SRPK2: variants seen among roughly 807,000 people sequenced by gnomAD.
SRPK2 encodes SRSF protein kinase 2.
Under a neutral mutation model 90.8 loss-of-function variants are expected in SRPK2, and 21 were observed. The observed-to-expected ratio is 0.23, with a 90% CI of 0.16 to 0.33. The LOEUF (loss-of-function observed/expected upper bound fraction) is 0.33, where lower values mean the gene tolerates loss of function less well. Ranked by LOEUF, SRPK2 falls within the 10% of genes least tolerant of loss-of-function variation. The pLI is 1.00. For missense variants in SRPK2, 620 were observed against 869.0 expected, an observed-to-expected ratio of 0.71 and a Z score of 3.60; for synonymous variants, 288 against 311.1, an observed-to-expected ratio of 0.93 and a Z score of 0.78.
At chr7:105,167,647 ATC>A (rs1790251728) in intron 5 of SRPK2, among the ~76,000 whole-genome samples, 183 bp from the exon 6 acceptor site, 1 of 152,100 alleles carries the variant, frequency 6.6e-6, no homozygotes, top group South Asian at 2.1e-4. Context: ...GTCTTGCTCT[ATC>A]GCCCAGTCTG....
At chr7:105,164,098 A>G (rs183519748) in intron 6 of SRPK2, among the ~76,000 whole-genome samples, 68 of 152,346 alleles carry the variant, frequency 4.5e-4, no homozygotes, top group African/African-American at 8.7e-4. Context: ...CTGAAGACAA[A>G]GCACAATCAA....
chr7:105,313,417 C>T (rs1326245239), intron 2 of SRPK2, among the ~76,000 whole-genome samples: 1 of 141,772 alleles, frequency 7.1e-6, no homozygotes, highest in Admixed American at 7.3e-5. Context: ...ACTGCACTCC[C>T]GCCTGGGCAA....
chr7:105,262,683 T>G (rs1335881156), intron 2 of SRPK2, among the ~76,000 whole-genome samples: 1 of 152,148 alleles, frequency 6.6e-6, no homozygotes, highest in African/African-American at 2.4e-5. Context: ...CACTTACTGG[T>G]CTATGCTTCT....
chr7:105,142,246 A>G lies in SRPK2; in HGVS notation c.1305T>C (p.Asp435=). Residue 435 remains aspartate, a synonymous_variant, in exon 11 of 16, where the codon GAT becomes GAC. Transcript: ENST00000393651. ...GTTCATAGGAGCTGCTATATGTGTA[A>G]TCACTTTCTGCATTTGGCTCATCAA... is the stretch of plus-strand genomic sequence containing the variant. ...YNLDEPNAES[D]YTYSSSYEQF... 3.7e-6 allele frequency: 6 copies of G among 1,614,096 alleles called. No homozygotes were observed. Among genetic ancestry groups the G allele is most frequent in the Non-Finnish European group, 5.1e-6 (6 of 1,180,032 alleles).
intron 1 of SRPK2, among the ~76,000 whole-genome samples, chr7:105,397,710 C>T (rs1341165629): frequency 6.6e-6 from 1 of 152,044 alleles, no homozygotes; most frequent in Non-Finnish European, 1.5e-5. Context: ...GTGGCACCAT[C>T]TGAGCTCACT....
chr7:105,160,371 A>G (rs1207297379), intron 7 of SRPK2, 136 bp downstream of exon 7: 1 of 488,716 alleles, frequency 2.0e-6, no homozygotes, highest in Non-Finnish European at 3.7e-6. Context: ...GCACTGATAC[A>G]TATGTAACAT....
chr7:105,250,407 GA>G (rs11450301), intron 2 of SRPK2, among the ~76,000 whole-genome samples: 3 of 149,096 alleles, frequency 2.0e-5, no homozygotes, highest in African/African-American at 5.0e-5. Flanking sequence ...AACAATGCAA[GA>G]AAAAAAAAAC....
chr7:105,201,635 GA>G (rs10675341), intron 3 of SRPK2, among the ~76,000 whole-genome samples: 5,047 of 146,058 alleles, frequency 0.035, 273 homozygotes, highest in African/African-American at 0.12. Context: ...GCTACCAGAA[GA>G]AAAAAAAAAA....
chr7:105,119,404 C>T (rs1800012981), intron 15 of SRPK2, among the ~76,000 whole-genome samples: 1 of 152,138 alleles, frequency 6.6e-6, no homozygotes, highest in African/African-American at 2.4e-5. Context: ...TACAATCCTA[C>T]CCACAACTGC....
chr7:105,241,830 C>T (rs771435468), intron 2 of SRPK2, among the ~76,000 whole-genome samples: 11 of 152,068 alleles, frequency 7.2e-5, no homozygotes, highest in Non-Finnish European at 1.2e-4. Flanking sequence ...AATGACCAGA[C>T]ATCTTCTCAT....
chr7:105,332,740 G>C (rs1322842632), intron 2 of SRPK2: 1 of 151,750 alleles, frequency 6.6e-6, no homozygotes, highest in Non-Finnish European at 1.5e-5. Flanking sequence ...ACTCCAGCCC[G>C]GGTGACAGAG....
chr7:105,325,551 CAAAAAAAAAA>C (rs34722293), intron 2 of SRPK2, among the ~76,000 whole-genome samples: 1 of 71,518 alleles, frequency 1.4e-5, no homozygotes, highest in African/African-American at 5.8e-5. Context: ...TTTCTCAAGG[CAAAAAAAAAA>C]AAAAAAAAAA....
At chr7:105,257,166 G>A (rs1043114820) in intron 2 of SRPK2, among the ~76,000 whole-genome samples, 3 of 152,120 alleles carry the variant, frequency 2.0e-5, no homozygotes, top group African/African-American at 7.2e-5. Flanking sequence ...TAAGTGGCTA[G>A]TGCATAGCAG....
At chr7:105,319,303 C>T (rs1200833509) in intron 2 of SRPK2, among the ~76,000 whole-genome samples, 2 of 152,156 alleles carry the variant, frequency 1.3e-5, no homozygotes, top group African/African-American at 2.4e-5. Flanking sequence ...ACCATAGGTT[C>T]GTTTCTAAGA....
intron 2 of SRPK2, among the ~76,000 whole-genome samples, chr7:105,365,843 C>T (rs1199820010): frequency 6.6e-6 from 1 of 151,344 alleles, no homozygotes; most frequent in Non-Finnish European, 1.5e-5. Flanking sequence ...AGCCTTTCTC[C>T]TCAATGATTT....
chr7:105,384,778 C>T (rs1379715507), intron 2 of SRPK2, among the ~76,000 whole-genome samples: 2 of 152,258 alleles, frequency 1.3e-5, no homozygotes, highest in South Asian at 2.1e-4. Context: ...TCAGGTGCCA[C>T]TCCTCACACA....
At chr7:105,148,993 T>G (rs984786294) in intron 7 of SRPK2, among the ~76,000 whole-genome samples, 31 of 152,284 alleles carry the variant, frequency 2.0e-4, no homozygotes, top group Admixed American at 1.6e-3. Flanking sequence ...CCTTGAAAGC[T>G]GGGTATTGTC....
intron 2 of SRPK2, chr7:105,245,027 CAAAACA>C: frequency 5.5e-6 from 3 of 547,146 alleles, no homozygotes; most frequent in East Asian, 3.1e-5. Flanking sequence ...AAAAACAAAA[CAAAACA>C]AACACACACA....
chr7:105,249,000 C>T (rs1254338490), intron 2 of SRPK2, among the ~76,000 whole-genome samples: 3 of 151,998 alleles, frequency 2.0e-5, no homozygotes, highest in Non-Finnish European at 4.4e-5. Context: ...ACTGTCAATT[C>T]TGTCCACGTG....
Sources: gnomAD v4.1 joint callset for allele counts (sites outside exome capture counted in the v4.1 genomes callset) on GRCh38, gnomAD v4.1.1 for gene constraint, MANE v1.5 for transcripts, NCBI Gene and HGNC (gene_info 2026-07-23, HGNC 2026-07-21) for gene names.